PCDHGA7: variants seen among roughly 807,000 people sequenced by gnomAD.
The protein encoded by PCDHGA7 is protocadherin gamma-A7.
In PCDHGA7, 44 loss-of-function variants were observed where a neutral mutation model predicts 58.3. That is an observed-to-expected ratio of 0.75 (90% CI 0.59 to 0.97). The LOEUF (loss-of-function observed/expected upper bound fraction) is 0.97, where lower values mean the gene tolerates loss of function less well. PCDHGA7 is among the 50% of genes least tolerant of loss of function. The pLI, the probability that PCDHGA7 is intolerant of heterozygous loss-of-function variation, is 0.00. For synonymous variants in PCDHGA7, 516 were observed against 504.2 expected, an observed-to-expected ratio of 1.02 and a Z score of -0.31; for missense variants, 1,266 against 1,188.7, an observed-to-expected ratio of 1.06 and a Z score of -0.96.
chr5:141,392,758 A>G (rs1589161304), intron 1 of PCDHGA7: 2 of 1,472,462 alleles, frequency 1.4e-6, no homozygotes, highest in Non-Finnish European at 1.8e-6. Context: ...AAGAAACTAA[A>G]TAAGACCCAT....
intron 1 of PCDHGA7, among the ~76,000 whole-genome samples, chr5:141,451,107 C>G (rs768308463): frequency 1.2e-4 from 18 of 152,118 alleles, no homozygotes; most frequent in Non-Finnish European, 2.4e-4. Context: ...GGATTACAGG[C>G]GTGAGCCACC....
intron 2 of PCDHGA7, among the ~76,000 whole-genome samples, chr5:141,505,092 G>A (rs965653546): frequency 5.9e-5 from 9 of 152,170 alleles, no homozygotes; most frequent in African/African-American, 2.2e-4. Flanking sequence ...AACCCAGGAG[G>A]TGGATGTTGC....
chr5:141,430,659 G>A, intron 1 of PCDHGA7: 1 of 1,110,600 alleles, frequency 9.0e-7, no homozygotes, highest in Non-Finnish European at 1.2e-6. Context: ...AACAACGGAG[G>A]AGCTCTGACT....
intron 3 of PCDHGA7, chr5:141,508,127 G>A (rs1220643878): frequency 6.6e-6 from 1 of 152,628 alleles, no homozygotes; most frequent in Non-Finnish European, 1.5e-5. Context: ...ACAGAGGGAG[G>A]TCAGGGAGCT....
At chr5:141,404,238 C>T (rs764561008) in intron 1 of PCDHGA7, 3 of 1,613,712 alleles carry the variant, frequency 1.9e-6, no homozygotes, top group Non-Finnish European at 2.5e-6. Context: ...GACAGAGGAA[C>T]TCCGCCCCTG....
At chr5:141,398,949 C>T (rs749860900) in intron 1 of PCDHGA7, 1 of 1,613,948 alleles carries the variant, frequency 6.2e-7, no homozygotes, top group Non-Finnish European at 8.5e-7. Flanking sequence ...AGGGCATCAA[C>T]TCAGAAATTA....
At chr5:141,460,455 A>G (rs1021070289) in intron 1 of PCDHGA7, among the ~76,000 whole-genome samples, 2 of 152,080 alleles carry the variant, frequency 1.3e-5, no homozygotes, top group African/African-American at 4.8e-5. Context: ...GAAGATTCAT[A>G]TTTTTTTCCA....
At position 141,431,277 on chromosome 5, in the gene PCDHGA7, G is replaced by T; in HGVS notation, c.2424+45954G>T. 6.2e-7 allele frequency: 1 copy of T among 1,614,160 alleles called. No homozygotes were observed. The highest frequency in any genetic ancestry group is 1.3e-5 in the African/African-American group (1 of 75,062). On this transcript the variant is annotated intron_variant, in intron 1 of 3. Transcript: ENST00000518325. This position sits in a 1 kb window ranked among gnomAD's most constrained non-coding sequence, Gnocchi z 4.8. ...AACTCTCTGCAGAGCTACGAGCTCAGCCCGAACACTCACTTCTCCCTCATC... is the reference window on the plus strand; with the variant it reads ...AACTCTCTGCAGAGCTACGAGCTCATCCCGAACACTCACTTCTCCCTCATC...
Position 141,390,510 on chromosome 5 carries a change from TAA to T in PCDHGA7, c.2424+5189_2424+5190del. The T allele has an allele frequency of 5.1e-6, 3 of 587,534 alleles. No homozygotes were observed. The South Asian group carries it at 6.4e-5, about 13-fold the overall frequency. 36.4% of individuals were successfully genotyped at this position (587,534 alleles called of 1,614,324 possible). A position where few individuals can be genotyped will look rare whatever the true frequency, so the allele number is the denominator to read the frequency against. The stretch of plus-strand genomic sequence containing the variant: ...TGTTTTTTAGCCAAGCTTAGATTTA[TAA>T]AGCAATGAGGGTGTGGTTTTAACCA... On this transcript the variant is annotated intron_variant, in intron 1 of 3. Transcript: ENST00000518325.
chr5:141,510,272 TAAA>T (rs546154379), intron 3 of PCDHGA7, among the ~76,000 whole-genome samples: 2 of 130,370 alleles, frequency 1.5e-5, no homozygotes, highest in Non-Finnish European at 3.3e-5. Context: ...GACTCCATCT[TAAA>T]AAAAAAAAAA....
At chr5:141,441,615 G>A in intron 1 of PCDHGA7, 1 of 219,248 alleles carries the variant, frequency 4.6e-6, no homozygotes, top group Non-Finnish European at 9.2e-6. Context: ...TTCCATCGTG[G>A]CCAGTGACCT....
Position 141,403,170 on chromosome 5 carries a change from A to C in PCDHGA7, c.2424+17847A>C. On this transcript the variant is annotated intron_variant, in intron 1 of 3. Transcript: ENST00000518325. ...CGCATCGTCTCTAGAGGTAGGACGC[A>C]GCTTTTCTCTCTGAACCCGCGCAGC... is the stretch of plus-strand genomic sequence containing the variant. 1 of 1,614,048 alleles carries C rather than the reference A, an allele frequency of 6.2e-7. No homozygotes were observed. Among genetic ancestry groups the C allele is most frequent in the East Asian group, 2.2e-5 (1 of 44,886 alleles).
In PCDHGA7 at chr5:141,432,582, T is replaced by A. The variant is rs1561862595; in HGVS notation, c.2424+47259T>A. 2 of 1,613,236 alleles carry A rather than the reference T, an allele frequency of 1.2e-6. No homozygotes were observed. The highest frequency in any genetic ancestry group is 1.7e-6 in the Non-Finnish European group (2 of 1,179,922). On this transcript the variant is annotated intron_variant, in intron 1 of 3. Transcript: ENST00000518325. This position sits in a 1 kb window ranked among gnomAD's most constrained non-coding sequence, Gnocchi z 6.0. ...CAGAACGCCTGGCTGTCCTACCGTC[T>A]GCTCAAGGCCAGCGAGCCGGGACTC...
chr5:141,474,961 AATC>A (rs2099357151), intron 1 of PCDHGA7, among the ~76,000 whole-genome samples: 1 of 152,254 alleles, frequency 6.6e-6, no homozygotes, highest in African/African-American at 2.4e-5. Flanking sequence ...TCACTATCCT[AATC>A]ATTATAATTT....
intron 1 of PCDHGA7, among the ~76,000 whole-genome samples, chr5:141,435,946 A>C (rs953432473): frequency 6.6e-6 from 1 of 152,174 alleles, no homozygotes; most frequent in Non-Finnish European, 1.5e-5. Flanking sequence ...CTGAGACCAA[A>C]AAAGGGGGCA....
rs962326553 is a variant in PCDHGA7 at position 141,387,971 on chromosome 5, C to T, written c.2424+2648C>T. 1.0e-5 allele frequency: 15 copies of T among 1,489,894 alleles called. 1 individual carries two copies. Among genetic ancestry groups the T allele is most frequent in the Non-Finnish European group, 1.3e-5 (14 of 1,108,812 alleles). The allele number at this position is 1,489,894 out of a possible 1,614,324, so 92.3% of individuals were successfully genotyped here. ...TGCTGTCTTTGTTCTGCCCGGCGCT[C>T]TGTGAGCAGATCCGCTACAGGATTC... On this transcript the variant is annotated intron_variant, in intron 1 of 3. Transcript: ENST00000518325.
intron 1 of PCDHGA7, among the ~76,000 whole-genome samples, chr5:141,405,891 A>G (rs1029768115): frequency 1.3e-5 from 2 of 152,164 alleles, no homozygotes; most frequent in African/African-American, 4.8e-5. Flanking sequence ...TTGCTCCAAC[A>G]CTGAAAGGAG....
intron 1 of PCDHGA7, among the ~76,000 whole-genome samples, chr5:141,466,594 C>G (rs557960608): frequency 6.6e-6 from 1 of 152,268 alleles, no homozygotes; most frequent in Admixed American, 6.5e-5. Flanking sequence ...TTAAAACAAG[C>G]TAGCTACTTG....
intron 1 of PCDHGA7, chr5:141,409,297 T>G (rs762820320): frequency 1.9e-6 from 3 of 1,614,006 alleles, no homozygotes; most frequent in South Asian, 2.2e-5. Context: ...CAGGAATGGT[T>G]GTTGCCCTCT....
Sources: gnomAD v4.1 joint callset for allele counts (sites outside exome capture counted in the v4.1 genomes callset) on GRCh38, gnomAD v4.1.1 for gene constraint, Gnocchi (gnomAD v3.1) non-coding constraint, MANE v1.5 for transcripts, NCBI Gene and HGNC (gene_info 2026-07-23, HGNC 2026-07-21) for gene names.